Variants in ABCC8 observed in about 807,000 individuals in gnomAD.
The protein encoded by ABCC8 is ATP binding cassette subfamily C member 8.
In ABCC8, 137 loss-of-function variants were observed where a neutral mutation model predicts 188.0. That is an observed-to-expected ratio of 0.73 (90% CI 0.63 to 0.84). The LOEUF is 0.84. Among genes scored for constraint, ABCC8 ranks in the 40% least tolerant of loss-of-function variants. ABCC8 has a pLI of 0.00. For missense variants in ABCC8, 1,750 were observed against 2,072.7 expected, an observed-to-expected ratio of 0.84 and a Z score of 3.02; for synonymous variants, 797 against 846.5, an observed-to-expected ratio of 0.94 and a Z score of 1.01.
At chr11:17,428,833 T>C (rs943414232) in intron 12 of ABCC8, 163 bp from the exon 13 acceptor site, 21 of 1,350,760 alleles carry the variant, frequency 1.6e-5, no homozygotes, top group African/African-American at 2.9e-5. Flanking sequence ...GGGCAGGTAA[T>C]TGGTGTTACC....
rs770148379 is a variant in ABCC8 at position 17,397,206 on chromosome 11, GT to G, written c.3974del (p.Tyr1325SerfsTer9). On this transcript the variant is annotated frameshift_variant, in exon 32 of 39. Transcript: ENST00000389817. LOFTEE classifies it high-confidence loss of function. Reference protein sequence around the residue: ...HGLLKTEAESYEGLLAPSLIP... With the variant: ...HGLLKTEAESXEGLLAPSLIP... ...TGAGCCTCTCACCCAGGAGCCCCTC[GT>G]AGCTCTCTGCCTCGGTTTTCAGGAG... 1 of 1,613,572 alleles carries G rather than the reference GT, an allele frequency of 6.2e-7. No homozygotes were observed. The highest frequency in any genetic ancestry group is 1.3e-5 in the African/African-American group (1 of 75,010).
chr11:17,474,046 C>T (rs958766441), intron 2 of ABCC8, among the ~76,000 whole-genome samples: 1 of 152,198 alleles, frequency 6.6e-6, no homozygotes, highest in Non-Finnish European at 1.5e-5. Context: ...CACCAGTTCT[C>T]TCTCTCCTTC....
intron 22 of ABCC8, chr11:17,410,283 TG>T (rs922867519): frequency 8.4e-5 from 45 of 535,508 alleles, no homozygotes; most frequent in Non-Finnish European, 1.3e-4. Context: ...GAGTGTACCA[TG>T]GGGGGCCCGG....
intron 24 of ABCC8, 98 bp from the exon 25 acceptor site, chr11:17,407,227 G>A (rs1490135230): frequency 1.2e-6 from 2 of 1,606,668 alleles, no homozygotes; most frequent in Non-Finnish European, 8.5e-7. Flanking sequence ...GACAACGGGG[G>A]CACACAGAGG....
At chr11:17,444,974 A>G (rs1956467315) in intron 8 of ABCC8, among the ~76,000 whole-genome samples, 1 of 152,228 alleles carries the variant, frequency 6.6e-6, no homozygotes, top group Admixed American at 6.5e-5. Context: ...GATCAATACA[A>G]GATGGCCTAC....
intron 6 of ABCC8, among the ~76,000 whole-genome samples, chr11:17,453,572 C>T (rs1956889744): frequency 6.6e-6 from 1 of 152,094 alleles, no homozygotes; most frequent in Non-Finnish European, 1.5e-5. Context: ...AGCATTGTGG[C>T]CACAGACCCA....
intron 2 of ABCC8, among the ~76,000 whole-genome samples, chr11:17,471,303 C>A (rs961045682): frequency 7.2e-5 from 11 of 152,174 alleles, no homozygotes; most frequent in Non-Finnish European, 1.6e-4. Context: ...AGGGGGTGGG[C>A]AACCAAGGAC....
chr11:17,451,060 TGAAA>T (rs956882355), intron 7 of ABCC8, among the ~76,000 whole-genome samples: 58 of 152,276 alleles, frequency 3.8e-4, no homozygotes, highest in African/African-American at 1.2e-3. Flanking sequence ...CTTATTAACA[TGAAA>T]GATTCAAGCA....
intron 6 of ABCC8, among the ~76,000 whole-genome samples, chr11:17,457,824 T>A (rs575064361): frequency 6.6e-6 from 1 of 152,312 alleles, no homozygotes; most frequent in African/African-American, 2.4e-5. Flanking sequence ...GGAAGAGTGA[T>A]GATGAATAAA....
intron 21 of ABCC8, among the ~76,000 whole-genome samples, chr11:17,412,128 G>A (rs578153994): frequency 6.6e-4 from 101 of 152,202 alleles, no homozygotes; most frequent in African/African-American, 2.3e-3. Context: ...TCCCGACCTC[G>A]TGATCCGCCT....
At chr11:17,413,037 G>A in intron 20 of ABCC8, 1 of 638,742 alleles carries the variant, frequency 1.6e-6, no homozygotes, top group African/African-American at 1.8e-5. Flanking sequence ...AAGGAGGACA[G>A]TCACAGGAGA....
chr11:17,427,339 G>T lies in ABCC8; in HGVS notation c.2117-185C>A. 1.3e-6 allele frequency: 1 copy of T among 745,336 alleles called. No individual in the cohort carries two copies. The highest frequency in any genetic ancestry group is 1.6e-6 in the Non-Finnish European group (1 of 611,018). The allele number at this position is 745,336 out of a possible 1,614,324, so 46.2% of individuals were successfully genotyped here. ...CTTCTGGAAATCAACATCCTCCTCT[G>T]GCTCCCCAGGTCCTTCCCCCTCTCT... On this transcript the variant is annotated intron_variant, in intron 15 of 38. Transcript: ENST00000389817. This position sits in a 1 kb window ranked among gnomAD's most constrained non-coding sequence, Gnocchi z 5.0.
chr11:17,447,953 C>T (rs376013274), intron 8 of ABCC8, among the ~76,000 whole-genome samples: 2 of 152,166 alleles, frequency 1.3e-5, no homozygotes, highest in East Asian at 3.8e-4. Flanking sequence ...GTATACATAA[C>T]ATATATTCCA....
chr11:17,406,422 CT>C, intron 26 of ABCC8, 199 bp downstream of exon 26: 1 of 612,970 alleles, frequency 1.6e-6, no homozygotes, highest in Non-Finnish European at 2.9e-6. Context: ...CACACAATGC[CT>C]ATCACAGTAT....
At chr11:17,416,624 G>A (rs1027722771) in intron 17 of ABCC8, among the ~76,000 whole-genome samples, 4 of 151,896 alleles carry the variant, frequency 2.6e-5, no homozygotes, top group Admixed American at 6.6e-5. Context: ...TCTCCCACCA[G>A]ACCCTGGCAA....
Position 17,412,758 on chromosome 11 carries a change from G to T in ABCC8, c.2476-12C>A. The T allele has an allele frequency of 6.2e-7, 1 of 1,604,174 alleles. No individual in the cohort carries two copies. Among genetic ancestry groups the T allele is most frequent in the Non-Finnish European group, 8.5e-7 (1 of 1,175,308 alleles). On this transcript the variant is annotated splice_polypyrimidine_tract_variant and intron_variant, in intron 20 of 38. Coordinates refer to ENST00000389817, the MANE Select transcript of ABCC8 (RefSeq NM_000352.6). ...GACAGGTTGATGCCCTGTCACCAAA[G>T]AGGAGGAACACATCATGCCCTCAGC...
chr11:17,476,656 A>G lies in ABCC8; in HGVS notation c.121T>C (p.Phe41Leu). ...LNVVPHVFLLFITFPILFIGW... is the reference protein window; with the variant it reads ...LNVVPHVFLLLITFPILFIGW... ...ATGAAGAGGATGGGGAAGGTGATGA[A>G]GAGTAGGAAGACGTGCGGCACCACG... The change falls in exon 1 of 39, where the codon TTC (phenylalanine) becomes CTC (leucine). Residue 41 changes from phenylalanine to leucine, a missense_variant. By Grantham distance (22) the Phe-to-Leu change is conservative. Coordinates refer to ENST00000389817, the MANE Select transcript of ABCC8 (RefSeq NM_000352.6). The G allele has an allele frequency of 6.2e-7, 1 of 1,612,274 alleles. No individual in the cohort carries two copies. Among genetic ancestry groups the G allele is most frequent in the Non-Finnish European group, 8.5e-7 (1 of 1,179,338 alleles).
intron 16 of ABCC8, among the ~76,000 whole-genome samples, chr11:17,419,407 C>A (rs1955231462): frequency 6.6e-6 from 1 of 152,086 alleles, no homozygotes; most frequent in South Asian, 2.1e-4. Flanking sequence ...TCTGGTAGGG[C>A]AAATCAGAAA....
At chr11:17,450,214 G>GT (rs148737105) in intron 7 of ABCC8, among the ~76,000 whole-genome samples, 3,598 of 150,956 alleles carry the variant, frequency 0.024, 165 homozygotes, top group African/African-American at 0.085. Flanking sequence ...GAAAGAAAGG[G>GT]TTTTTTTCTC....
Sources: gnomAD v4.1 joint callset for allele counts (sites outside exome capture counted in the v4.1 genomes callset) on GRCh38, gnomAD v4.1.1 for gene constraint, Gnocchi (gnomAD v3.1) non-coding constraint, MANE v1.5 for transcripts, NCBI Gene and HGNC (gene_info 2026-07-23, HGNC 2026-07-21) for gene names.